The following KDM4C variants were observed in gnomAD, a reference collection of about 807,000 sequenced individuals.
The protein encoded by KDM4C is lysine-specific demethylase 4C.
KDM4C carries 81 observed loss-of-function variants against 129.3 expected under a neutral mutation model. The observed-to-expected ratio is 0.63, with a 90% CI of 0.52 to 0.75. KDM4C has a LOEUF of 0.75. KDM4C is among the 30% of genes least tolerant of loss of function. The probability of loss-of-function intolerance (pLI) is 0.00; values close to 1 mark genes in which losing one functional copy is unlikely to be tolerated. For synonymous variants in KDM4C, 573 were observed against 456.1 expected (o/e 1.26, Z -3.26); for missense variants, 1,457 against 1,304.0 (o/e 1.12, Z -1.81).
intron 6 of KDM4C, among the ~76,000 whole-genome samples, chr9:6,886,861 A>G (rs7030558): frequency 0.26 from 39,201 of 151,934 alleles, 6,273 homozygotes; most frequent in East Asian, 0.71. Context: ...CAAGTGATCC[A>G]CCTGCCTTGG....
rs1470751862 is a variant in KDM4C, at chr9:6,758,521, TC to T, written c.-18+320del. On this transcript the variant is annotated intron_variant, in intron 1 of 21. Coordinates refer to ENST00000381309, the MANE Select transcript of KDM4C (RefSeq NM_015061.6). This position sits in a 1 kb window ranked among gnomAD's most constrained non-coding sequence, Gnocchi z 4.6. ...TTGGGGCAGAGGAGCGCTCGGGCGG[TC>T]CTGGGATGCGGACCTCTTAACGCCG... 1.3e-5 allele frequency among the ~76,000 whole-genome samples: 2 copies of T among 149,458 alleles called. No individual in the cohort carries two copies. Among genetic ancestry groups the T allele is most frequent in the East Asian group, 2.0e-4 (1 of 4,922 alleles).
chr9:7,070,507 G>C lies in KDM4C; in HGVS notation c.2424+21307G>C, dbSNP rs1380467270. ...TAATAATTAACAAACTGAATCAGCA[G>C]TATATAAAAAACTTAATTGGGTTTA... On this transcript the variant is annotated intron_variant, in intron 17 of 21. Transcript: ENST00000381309. 5.3e-5 allele frequency among the ~76,000 whole-genome samples: 8 copies of C among 152,122 alleles called. No individual in the cohort carries two copies. The East Asian group carries it at 1.5e-3, about 29-fold the overall frequency.
chr9:6,807,811 G>A (rs538780293), intron 3 of KDM4C, among the ~76,000 whole-genome samples: 146 of 134,216 alleles, frequency 1.1e-3, no homozygotes, highest in African/African-American at 3.4e-3. Context: ...TCAGCCCCCC[G>A]CCCGGCCAGC....
intron 17 of KDM4C, among the ~76,000 whole-genome samples, chr9:7,064,859 C>G (rs539722691): frequency 1.6e-4 from 25 of 152,242 alleles, no homozygotes; most frequent in African/African-American, 6.0e-4. Flanking sequence ...TTCTAGGTGT[C>G]CATTTGGCCA....
intron 17 of KDM4C, among the ~76,000 whole-genome samples, chr9:7,082,497 G>A (rs1041579350): frequency 3.9e-5 from 6 of 152,170 alleles, no homozygotes; most frequent in African/African-American, 1.4e-4. Context: ...GGCTGATGGT[G>A]GAAGGGATAT....
At chr9:6,906,153 C>T (rs1818271038) in intron 8 of KDM4C, among the ~76,000 whole-genome samples, 1 of 152,168 alleles carries the variant, frequency 6.6e-6, no homozygotes, top group Non-Finnish European at 1.5e-5. Flanking sequence ...TGTAGATTAA[C>T]ATGATGCTGT....
chr9:6,941,077 T>C (rs572264195), intron 8 of KDM4C, among the ~76,000 whole-genome samples: 9 of 152,028 alleles, frequency 5.9e-5, no homozygotes, highest in African/African-American at 2.2e-4. Context: ...GTCATCCAGG[T>C]TGGAGTGCAG....
Position 6,798,447 on chromosome 9 carries a change from G to A in KDM4C, c.144+5315G>A, listed in dbSNP as rs573300597. On this transcript the variant is annotated intron_variant, in intron 2 of 21. Transcript: ENST00000381309. ...TTATGGAGTGGTGATGACTCTTAAC[G>A]AGCATGCTGCCTTCAAGCATCTGTT... Among the ~76,000 whole-genome samples the A allele has an allele frequency of 5.0e-4, 75 of 150,288 alleles. 2 individuals carry two copies. In the South Asian group the frequency reaches 0.011, roughly 23 times the overall value.
rs563178004 is a variant in KDM4C at position 6,835,545 on chromosome 9, C to T, written c.436-13962C>T. 8.9e-5 allele frequency: 121 copies of T among 1,360,938 alleles called. No individual in the cohort carries two copies. In the African/African-American group the frequency reaches 1.3e-3, roughly 15 times the overall value. 84.3% of individuals were successfully genotyped at this position (1,360,938 alleles called of 1,614,324 possible). On this transcript the variant is annotated intron_variant, in intron 4 of 21. Coordinates refer to ENST00000381309, the MANE Select transcript of KDM4C (RefSeq NM_015061.6). ...TCAGCAAGCAGGAGTATGATGAGTC[C>T]GGCTCCATCATCCATCCTTCAAATG... is the stretch of plus-strand genomic sequence containing the variant.
intron 19 of KDM4C, among the ~76,000 whole-genome samples, chr9:7,134,195 G>C (rs1210021018): frequency 1.3e-5 from 2 of 152,154 alleles, no homozygotes; most frequent in Admixed American, 6.5e-5. Context: ...TCACTCTTTA[G>C]GGTTCTCTCG....
At chr9:6,938,196 T>C (rs1442078546) in intron 8 of KDM4C, among the ~76,000 whole-genome samples, 1 of 151,958 alleles carries the variant, frequency 6.6e-6, no homozygotes, top group Non-Finnish European at 1.5e-5. Flanking sequence ...AATGTGTATA[T>C]AATATTTAAT....
intron 5 of KDM4C, among the ~76,000 whole-genome samples, chr9:6,852,088 T>C (rs1838949914): frequency 6.6e-6 from 1 of 152,206 alleles, no homozygotes; most frequent in Admixed American, 6.5e-5. Flanking sequence ...AGATAACTAC[T>C]GTAGGAAGAG....
At chr9:6,794,864 T>A (rs1827421346) in intron 2 of KDM4C, among the ~76,000 whole-genome samples, 1 of 152,128 alleles carries the variant, frequency 6.6e-6, no homozygotes, top group Non-Finnish European at 1.5e-5. Context: ...CAAAGTAAGA[T>A]CTTTGAAAGA....
chr9:7,146,100 C>G (rs1387232569), intron 19 of KDM4C, among the ~76,000 whole-genome samples: 1 of 152,028 alleles, frequency 6.6e-6, no homozygotes, highest in Non-Finnish European at 1.5e-5. Context: ...ATCATGTTTT[C>G]AAAGGATATT....
In KDM4C at chr9:7,083,781, G is replaced by A. The variant is rs77138436; in HGVS notation, c.2425-19904G>A. ...ATTGCATTGTTTAAACAGTAAAATT[G>A]TTGGATAGATTATGTTCCTTCCCTA... On this transcript the variant is annotated intron_variant, in intron 17 of 21. Coordinates refer to ENST00000381309, the MANE Select transcript of KDM4C (RefSeq NM_015061.6). Among the ~76,000 whole-genome samples the A allele has an allele frequency of 7.6e-3, 1,137 of 149,794 alleles. 21 individuals are homozygous for A. The highest frequency in any genetic ancestry group is 0.026 in the African/African-American group (1,056 of 40,406).
intron 8 of KDM4C, among the ~76,000 whole-genome samples, chr9:6,926,280 G>A (rs1267939478): frequency 2.1e-5 from 3 of 142,808 alleles, no homozygotes; most frequent in African/African-American, 7.8e-5. Context: ...AATTAACTGA[G>A]GTAATATAAG....
At position 6,986,417 on chromosome 9, in the gene KDM4C, T is replaced by C. The variant is rs960457542; in HGVS notation, c.1428T>C (p.Ser476=). The C allele has an allele frequency of 5.6e-6, 9 of 1,609,364 alleles. No individual in the cohort carries two copies. The Admixed American group carries it at 1.2e-4, about 21-fold the overall frequency. ...TEDDKAYAYR[S]VPSISSEADD... is the part of the protein sequence containing the mutation. ...ATGACAAAGCTTATGCATATAGAAG[T>C]GTACCTTCTATATCCAGTGAGGCTG... Residue 476 remains serine (S), a synonymous_variant, in exon 11 of 22, where the codon AGT becomes AGC. Transcript: ENST00000381309.
intron 15 of KDM4C, among the ~76,000 whole-genome samples, chr9:7,039,176 C>A (rs1278458919): frequency 1.3e-5 from 2 of 151,956 alleles, no homozygotes; most frequent in East Asian, 3.9e-4. Context: ...GTCTGTAAAT[C>A]AATTGGAGTA....
intron 19 of KDM4C, among the ~76,000 whole-genome samples, chr9:7,149,513 C>T (rs907173239): frequency 2.0e-5 from 3 of 152,244 alleles, no homozygotes; most frequent in Non-Finnish European, 2.9e-5. Context: ...ACTGGGATCA[C>T]CTGTTCCCAG....
Sources: gnomAD v4.1 joint callset for allele counts (sites outside exome capture counted in the v4.1 genomes callset) on GRCh38, gnomAD v4.1.1 for gene constraint, Gnocchi (gnomAD v3.1) non-coding constraint, MANE v1.5 for transcripts, NCBI Gene and HGNC (gene_info 2026-07-23, HGNC 2026-07-21) for gene names.